Variants in CAPN8 observed in about 807,000 individuals in gnomAD.
The protein encoded by CAPN8 is calpain-8.
A neutral mutation model predicts 80.9 loss-of-function variants in CAPN8; 87 were observed. The observed-to-expected ratio is 1.07, with a 90% confidence interval of 0.90 to 1.28. The LOEUF is 1.28. Among genes scored for constraint, CAPN8 ranks in the 50% most tolerant of loss-of-function variants. The pLI is 0.00. For synonymous variants in CAPN8, 299 were observed against 273.8 expected (o/e 1.09, Z -0.91); for missense variants, 757 against 702.0 (o/e 1.08, Z -0.89).
At chr1:223,652,091 A>G (rs1489698780) in intron 2 of CAPN8, among the ~76,000 whole-genome samples, 1 of 152,200 alleles carries the variant, frequency 6.6e-6, no homozygotes, top group Non-Finnish European at 1.5e-5. Flanking sequence ...ACAGAACTCT[A>G]TGAAAAAGAC....
At chr1:223,541,942 G>T (rs771298518) in intron 20 of CAPN8, 83 bp from the exon 21 acceptor site, 43 of 1,546,362 alleles carry the variant, frequency 2.8e-5, no homozygotes, top group Non-Finnish European at 3.5e-5. Context: ...TGCCTCACAT[G>T]GGTGCGATCT....
At chr1:223,664,106 A>G (rs1046040229) in intron 1 of CAPN8, among the ~76,000 whole-genome samples, 1 of 152,194 alleles carries the variant, frequency 6.6e-6, no homozygotes, top group Admixed American at 6.5e-5. Flanking sequence ...GAATCACTTG[A>G]CAAGGGTCAC....
At chr1:223,622,034 G>T (rs774685652) in intron 7 of CAPN8, among the ~76,000 whole-genome samples, 2 of 152,120 alleles carry the variant, frequency 1.3e-5, no homozygotes, top group Non-Finnish European at 2.9e-5. Context: ...TCGAACTCCT[G>T]AGCTCAAGTG....
At chr1:223,648,291 G>T (rs976820853) in intron 2 of CAPN8, among the ~76,000 whole-genome samples, 1 of 152,204 alleles carries the variant, frequency 6.6e-6, no homozygotes, top group African/African-American at 2.4e-5. Context: ...AGCCCCCTGG[G>T]CCACATGGAG....
At position 223,628,645 on chromosome 1, in the gene CAPN8, A is replaced by T. The variant is rs61825210; in HGVS notation, c.426+17T>A. On this transcript the variant is annotated intron_variant, in intron 3 of 20. Coordinates refer to ENST00000366872, the MANE Select transcript of CAPN8 (RefSeq NM_001143962.2). ...ATACGGAAAACAGCAACAAAGGGCC[A>T]GAGCAGAGCACAGTACCTGAAAGTG... 6.5e-7 allele frequency: 1 copy of T among 1,537,338 alleles called. No homozygotes were observed. Among genetic ancestry groups the T allele is most frequent in the Non-Finnish European group, 8.8e-7 (1 of 1,134,098 alleles).
intron 10 of CAPN8, chr1:223,615,677 G>A (rs1173674284): frequency 1.6e-5 from 8 of 510,194 alleles, no homozygotes; most frequent in Non-Finnish European, 3.0e-5. Flanking sequence ...GGGGAAGCCT[G>A]TACTTGGAAA....
chr1:223,653,909 C>T (rs1041132481), intron 2 of CAPN8, among the ~76,000 whole-genome samples: 2 of 152,162 alleles, frequency 1.3e-5, no homozygotes, highest in Non-Finnish European at 2.9e-5. Context: ...AAATAAGATT[C>T]CTGTTTTCTT....
chr1:223,646,268 C>T (rs1381064997), intron 2 of CAPN8, among the ~76,000 whole-genome samples: 1 of 152,224 alleles, frequency 6.6e-6, no homozygotes, highest in Non-Finnish European at 1.5e-5. Context: ...TCCTTTCTCT[C>T]GTGAGTAGGT....
intron 6 of CAPN8, among the ~76,000 whole-genome samples, chr1:223,623,846 A>C (rs192571936): frequency 2.0e-5 from 3 of 152,148 alleles, no homozygotes; most frequent in South Asian, 2.1e-4. Flanking sequence ...ATACAAAAAA[A>C]ATAATTAGCT....
intron 2 of CAPN8, among the ~76,000 whole-genome samples, chr1:223,648,679 T>C (rs1443689799): frequency 6.6e-6 from 1 of 152,140 alleles, no homozygotes; most frequent in African/African-American, 2.4e-5. Context: ...TGTTTGCCTT[T>C]AGAGACATAT....
At chr1:223,649,787 G>A (rs1316115643) in intron 2 of CAPN8, among the ~76,000 whole-genome samples, 5 of 152,194 alleles carry the variant, frequency 3.3e-5, no homozygotes, top group Non-Finnish European at 5.9e-5. Flanking sequence ...CAGATCAAAA[G>A]TGCAACAAAC....
intron 13 of CAPN8, among the ~76,000 whole-genome samples, chr1:223,554,439 G>T (rs904081587): frequency 1.3e-5 from 2 of 152,068 alleles, no homozygotes; most frequent in African/African-American, 4.8e-5. Flanking sequence ...GGGCAACACG[G>T]TGAAACCCCA....
At chr1:223,545,397 T>C in intron 16 of CAPN8, 98 bp from the exon 17 acceptor site, 4 of 1,527,054 alleles carry the variant, frequency 2.6e-6, no homozygotes, top group Non-Finnish European at 3.5e-6. Flanking sequence ...AAGGCCTTAG[T>C]GAACCTTCCA....
intron 7 of CAPN8, among the ~76,000 whole-genome samples, chr1:223,621,747 C>G (rs1657399365): frequency 6.6e-6 from 1 of 152,026 alleles, no homozygotes; most frequent in Admixed American, 6.6e-5. Flanking sequence ...CCTTCGAAAG[C>G]CCTGGTGGCA....
intron 2 of CAPN8, 177 bp from the exon 3 acceptor site, chr1:223,628,957 C>T (rs1186902951): frequency 3.4e-5 from 20 of 588,382 alleles, no homozygotes; most frequent in Admixed American, 2.5e-4. Context: ...CTTCTGCCTC[C>T]TTGGGATTTG....
intron 20 of CAPN8, 33 bp from the exon 21 acceptor site, chr1:223,541,892 C>T (rs1292860917): frequency 1.9e-6 from 3 of 1,551,224 alleles, no homozygotes; most frequent in Admixed American, 2.0e-5. Context: ...TGAGTCTTGG[C>T]TTCTCAGGGG....
At chr1:223,659,338 G>A (rs1011465145) in intron 1 of CAPN8, among the ~76,000 whole-genome samples, 3 of 152,140 alleles carry the variant, frequency 2.0e-5, no homozygotes, top group Non-Finnish European at 4.4e-5. Context: ...TCATCTTCAA[G>A]TATAGCCACA....
intron 20 of CAPN8, among the ~76,000 whole-genome samples, chr1:223,542,191 G>C (rs1656485103): frequency 6.6e-6 from 1 of 151,016 alleles, no homozygotes; most frequent in Admixed American, 6.6e-5. Flanking sequence ...CTATATATGT[G>C]TGTGTATATA....
chr1:223,544,939 G>A, intron 17 of CAPN8, 89 bp from the exon 18 acceptor site: 4 of 1,539,794 alleles, frequency 2.6e-6, no homozygotes, highest in Non-Finnish European at 3.5e-6. Flanking sequence ...TTTCTCAAAA[G>A]GCCAGGGACA....
Sources: gnomAD v4.1 joint callset for allele counts (sites outside exome capture counted in the v4.1 genomes callset) on GRCh38, gnomAD v4.1.1 for gene constraint, MANE v1.5 for transcripts, NCBI Gene and HGNC (gene_info 2026-07-23, HGNC 2026-07-21) for gene names.